RASAL2: variants seen among roughly 807,000 people sequenced by gnomAD.
RASAL2 encodes ras GTPase-activating protein nGAP.
A neutral mutation model predicts 128.9 loss-of-function variants in RASAL2; 58 were observed. The observed-to-expected ratio is 0.45, with a 90% CI of 0.36 to 0.56. The LOEUF (loss-of-function observed/expected upper bound fraction) is 0.56, where lower values mean the gene tolerates loss of function less well. Ranked by LOEUF, RASAL2 falls within the 20% of genes least tolerant of loss-of-function variation. The pLI, the probability that RASAL2 is intolerant of heterozygous loss-of-function variation, is 0.00. For missense variants in RASAL2, 1,360 were observed against 1,601.6 expected, an observed-to-expected ratio of 0.85 and a Z score of 2.57; for synonymous variants, 561 against 580.8, an observed-to-expected ratio of 0.97 and a Z score of 0.49.
At chr1:178,294,568 A>G (rs116795361) in intron 2 of RASAL2, among the ~76,000 whole-genome samples, 1,993 of 152,300 alleles carry the variant, frequency 0.013, 32 homozygotes, top group African/African-American at 0.046. Context: ...CTCCCACTGT[A>G]AACAACAAAA....
chr1:178,130,905 T>A (rs973937452), intron 1 of RASAL2, among the ~76,000 whole-genome samples: 1 of 151,888 alleles, frequency 6.6e-6, no homozygotes, highest in Non-Finnish European at 1.5e-5. Flanking sequence ...ATACAAAAAA[T>A]TAGCCGGGCG....
chr1:178,396,187 G>A (rs531847674), intron 4 of RASAL2, among the ~76,000 whole-genome samples: 1 of 152,060 alleles, frequency 6.6e-6, no homozygotes, highest in East Asian at 1.9e-4. Flanking sequence ...TCAATCTGTG[G>A]TAATTCCTAG....
In RASAL2 at chr1:178,349,763, G is replaced by T. The variant is rs562726347; in HGVS notation, c.458-40337G>T. 6.6e-5 allele frequency among the ~76,000 whole-genome samples: 10 copies of T among 152,026 alleles called. 1 individual carries two copies. In the East Asian group the frequency reaches 1.5e-3, roughly 24 times the overall value. On this transcript the variant is annotated intron_variant, in intron 3 of 17. Coordinates refer to ENST00000367649, the MANE Select transcript of RASAL2 (RefSeq NM_170692.4). The stretch of plus-strand genomic sequence containing the variant: ...TTTAATAAGAATTTTCCATACTTTG[G>T]CTTTAATATAATTTTGCTTTAAAAA...
chr1:178,301,336 A>G (rs1365614936), intron 3 of RASAL2, among the ~76,000 whole-genome samples: 1 of 152,038 alleles, frequency 6.6e-6, no homozygotes, highest in African/African-American at 2.4e-5. Context: ...GCCTATTTAT[A>G]TTTCACATCC....
intron 3 of RASAL2, among the ~76,000 whole-genome samples, chr1:178,328,704 G>A (rs935758978): frequency 6.6e-6 from 1 of 152,152 alleles, no homozygotes; most frequent in Non-Finnish European, 1.5e-5. Flanking sequence ...TGTGAAACAA[G>A]TATTATTAGT....
At chr1:178,210,960 C>G (rs146812467) in intron 1 of RASAL2, among the ~76,000 whole-genome samples, 136 of 152,238 alleles carry the variant, frequency 8.9e-4, no homozygotes, top group African/African-American at 2.7e-3. Context: ...TATGGTTAAC[C>G]TGTAGTCCTA....
intron 4 of RASAL2, among the ~76,000 whole-genome samples, chr1:178,395,180 A>G (rs1027849139): frequency 6.6e-6 from 1 of 152,088 alleles, no homozygotes; most frequent in Non-Finnish European, 1.5e-5. Context: ...TGATGCTTAG[A>G]CTCCACCTCA....
chr1:178,408,149 T>C (rs1674107125), intron 4 of RASAL2, among the ~76,000 whole-genome samples: 1 of 152,246 alleles, frequency 6.6e-6, no homozygotes, highest in Admixed American at 6.5e-5. Flanking sequence ...CTTTTTACTA[T>C]TTTTAAGACT....
chr1:178,404,789 T>C (rs980677912), intron 4 of RASAL2, among the ~76,000 whole-genome samples: 1 of 150,248 alleles, frequency 6.7e-6, no homozygotes, highest in Non-Finnish European at 1.5e-5. Flanking sequence ...TCAAAGGATC[T>C]TCCCACCTCA....
At chr1:178,257,223 A>G (rs1344489441) in intron 1 of RASAL2, among the ~76,000 whole-genome samples, 1 of 152,202 alleles carries the variant, frequency 6.6e-6, no homozygotes, top group Non-Finnish European at 1.5e-5. Context: ...CACAGATTCA[A>G]TACAATCCCT....
intron 3 of RASAL2, among the ~76,000 whole-genome samples, chr1:178,374,453 G>GA (rs1671884563): frequency 6.6e-6 from 1 of 152,066 alleles, no homozygotes; most frequent in African/African-American, 2.4e-5. Context: ...CAGAAGGGGG[G>GA]ATGCAAGAAA....
rs1476750791 is a variant in RASAL2 at position 178,275,840 on chromosome 1, A to G, written c.203-7724A>G. 2.0e-5 allele frequency among the ~76,000 whole-genome samples: 3 copies of G among 152,216 alleles called. No homozygotes were observed. The South Asian group carries it at 6.2e-4, about 32-fold the overall frequency. The stretch of plus-strand genomic sequence containing the variant: ...ACAAGGGTGATAATGAGCATAGTGG[A>G]TTTACTAACTAGACACCAGTGATCA... On this transcript the variant is annotated intron_variant, in intron 1 of 17. Transcript: ENST00000367649.
intron 3 of RASAL2, among the ~76,000 whole-genome samples, chr1:178,317,577 C>T (rs1269998830): frequency 2.0e-5 from 3 of 149,598 alleles, no homozygotes; most frequent in South Asian, 2.1e-4. Context: ...AGTTTATTTG[C>T]GTAGAGGTGT....
At chr1:178,413,972 G>GA (rs1055454353) in intron 4 of RASAL2, among the ~76,000 whole-genome samples, 58 of 151,288 alleles carry the variant, frequency 3.8e-4, no homozygotes, top group African/African-American at 1.2e-3. Context: ...GAAAAGCAAA[G>GA]AAAAAAAAGA....
At chr1:178,343,527 T>C (rs1158235494) in intron 3 of RASAL2, among the ~76,000 whole-genome samples, 1 of 152,218 alleles carries the variant, frequency 6.6e-6, no homozygotes, top group African/African-American at 2.4e-5. Context: ...GTATATTATG[T>C]TGTGTGTGTA....
chr1:178,300,603 A>G (rs898122395), intron 3 of RASAL2, among the ~76,000 whole-genome samples: 3 of 152,180 alleles, frequency 2.0e-5, no homozygotes, highest in African/African-American at 4.8e-5. Flanking sequence ...ATGCTGGACT[A>G]TGGTTGGAGT....
intron 1 of RASAL2, among the ~76,000 whole-genome samples, chr1:178,232,383 T>G (rs1664046852): frequency 6.6e-6 from 1 of 152,210 alleles, no homozygotes; most frequent in South Asian, 2.1e-4. Context: ...ATAGGGAATA[T>G]TTTTCCAGCC....
chr1:178,355,653 C>A (rs1470651067), intron 3 of RASAL2, among the ~76,000 whole-genome samples: 2 of 152,106 alleles, frequency 1.3e-5, no homozygotes, highest in African/African-American at 4.8e-5. Flanking sequence ...ATATTAATAA[C>A]TTCTGTTTGT....
At position 178,262,334 on chromosome 1, in the gene RASAL2, C is replaced by T. The variant is rs1411368914; in HGVS notation, c.203-21230C>T. On this transcript the variant is annotated intron_variant, in intron 1 of 17. Transcript: ENST00000367649. Reference sequence around the variant, plus strand: ...GTGCTTGTGTTTCAGTGACGTCATACAATTTACAGATCCACACAATGAACG... The same window carrying T: ...GTGCTTGTGTTTCAGTGACGTCATATAATTTACAGATCCACACAATGAACG... 2.0e-5 allele frequency among the ~76,000 whole-genome samples: 3 copies of T among 151,682 alleles called. No individual in the cohort carries two copies. The East Asian group carries it at 5.8e-4, about 29-fold the overall frequency.
Sources: gnomAD v4.1 joint callset for allele counts (sites outside exome capture counted in the v4.1 genomes callset) on GRCh38, gnomAD v4.1.1 for gene constraint, MANE v1.5 for transcripts, NCBI Gene and HGNC (gene_info 2026-07-23, HGNC 2026-07-21) for gene names.